SH2D4B: variants seen among roughly 807,000 people sequenced by gnomAD.
SH2D4B encodes SH2 domain containing 4B.
In SH2D4B, 45 loss-of-function variants were observed where a neutral mutation model predicts 61.5. That is an observed-to-expected ratio of 0.73 (90% confidence interval 0.58 to 0.94). The LOEUF (loss-of-function observed/expected upper bound fraction) is 0.94. Ranked by LOEUF, SH2D4B falls within the 40% of genes least tolerant of loss-of-function variation. The probability of loss-of-function intolerance (pLI) is 0.00; values close to 1 mark genes in which losing one functional copy is unlikely to be tolerated. For missense variants in SH2D4B, 572 were observed against 574.2 expected, an observed-to-expected ratio of 1.00 and a Z score of 0.04; for synonymous variants, 224 against 220.4, an observed-to-expected ratio of 1.02 and a Z score of -0.14.
chr10:80,548,768 C>T (rs1841715964), intron 1 of SH2D4B, among the ~76,000 whole-genome samples: 1 of 152,190 alleles, frequency 6.6e-6, no homozygotes, highest in African/African-American at 2.4e-5. Flanking sequence ...CTGAGTGCTC[C>T]ATTGCTAGCC....
chr10:80,545,601 T>C (rs1014768962), intron 1 of SH2D4B, among the ~76,000 whole-genome samples: 3 of 148,876 alleles, frequency 2.0e-5, no homozygotes, highest in African/African-American at 7.8e-5. Flanking sequence ...ACGGTCCATC[T>C]CTTCCATTAG....
rs750498313 is a variant in SH2D4B, at chr10:80,644,041, G to A, written c.1258G>A (p.Gly420Arg). ...AGGAGAGTTACTTCAGGAACCCTGC[G>A]GACAGAGGGACAGCCCACCAGACTA... ...SGGELLQEPC[G>R]QRDSPPDYHL... Residue 420 changes from glycine (G) to arginine (R), a missense_variant, in exon 8 of 8, where the codon GGA becomes AGA. Transcript: ENST00000646907. The A allele has an allele frequency of 1.2e-5, 20 of 1,613,620 alleles. No homozygotes were observed. Among genetic ancestry groups the A allele is most frequent in the South Asian group, 8.8e-5 (8 of 91,060 alleles).
At position 80,644,154 on chromosome 10, in the gene SH2D4B, T is replaced by A; in HGVS notation, c.*69T>A. The A allele has an allele frequency of 8.0e-7, 1 of 1,243,904 alleles. No homozygotes were observed. The highest frequency in any genetic ancestry group is 1.2e-6 in the Non-Finnish European group (1 of 855,554). The allele number at this position is 1,243,904 out of a possible 1,614,324, so 77.1% of individuals were successfully genotyped here. On this transcript the variant is annotated 3_prime_UTR_variant, in exon 8 of 8. Coordinates refer to ENST00000646907, the MANE Select transcript of SH2D4B (RefSeq NM_001388272.1). ...GAACTCAGCTTAAGAACTTCTCATC[T>A]CAAATCCTATGGCCTTCTGGAAGAT...
At chr10:80,642,735 C>T (rs544342656) in intron 7 of SH2D4B, among the ~76,000 whole-genome samples, 1 of 152,252 alleles carries the variant, frequency 6.6e-6, no homozygotes, top group African/African-American at 2.4e-5. Context: ...TAGAGACTTC[C>T]CTGTGTGTCA....
chr10:80,632,620 C>T (rs576999400), intron 6 of SH2D4B, among the ~76,000 whole-genome samples: 7 of 152,066 alleles, frequency 4.6e-5, no homozygotes, highest in Non-Finnish European at 7.4e-5. Context: ...CGTCTGGCCC[C>T]CCTTACTTAT....
At chr10:80,624,523 G>A (rs1842750720) in intron 6 of SH2D4B, among the ~76,000 whole-genome samples, 1 of 152,246 alleles carries the variant, frequency 6.6e-6, no homozygotes, top group Non-Finnish European at 1.5e-5. Flanking sequence ...GAATGTGAGA[G>A]TCACTTTTTA....
intron 4 of SH2D4B, among the ~76,000 whole-genome samples, chr10:80,593,128 T>C (rs1842350718): frequency 6.6e-6 from 1 of 152,220 alleles, no homozygotes; most frequent in African/African-American, 2.4e-5. Context: ...AATTGGGCAG[T>C]ATGAGACCTC....
intron 1 of SH2D4B, among the ~76,000 whole-genome samples, chr10:80,552,554 G>A (rs1481375428): frequency 5.3e-5 from 8 of 152,136 alleles, no homozygotes; most frequent in East Asian, 3.9e-4. Flanking sequence ...GGGGCAGCTC[G>A]TGAGAAAGGC....
intron 7 of SH2D4B, among the ~76,000 whole-genome samples, chr10:80,636,365 A>G (rs908391281): frequency 1.3e-5 from 2 of 152,236 alleles, no homozygotes; most frequent in Admixed American, 1.3e-4. Context: ...TCCCTGAGGA[A>G]TCGCCACACT....
intron 5 of SH2D4B, among the ~76,000 whole-genome samples, chr10:80,605,666 G>A (rs1043371820): frequency 3.3e-5 from 5 of 152,014 alleles, no homozygotes; most frequent in Admixed American, 6.6e-5. Context: ...TTATGGGTGC[G>A]TGCCATCACA....
intron 1 of SH2D4B, among the ~76,000 whole-genome samples, chr10:80,546,313 G>A (rs897336129): frequency 6.6e-6 from 1 of 152,024 alleles, no homozygotes; most frequent in African/African-American, 2.4e-5. Flanking sequence ...CTCCTAAAGT[G>A]CTGGGATTAT....
chr10:80,561,397 T>A (rs986533560), intron 1 of SH2D4B, among the ~76,000 whole-genome samples: 1 of 152,188 alleles, frequency 6.6e-6, no homozygotes, highest in African/African-American at 2.4e-5. Context: ...TTTCAGATGT[T>A]GCAAAATAAA....
chr10:80,541,348 T>A (rs147594609), intron 1 of SH2D4B, among the ~76,000 whole-genome samples: 19 of 152,210 alleles, frequency 1.2e-4, no homozygotes, highest in African/African-American at 4.3e-4. Context: ...TAGCTGTTGT[T>A]TGGGTTTTTC....
chr10:80,547,926 G>A (rs1377646006), intron 1 of SH2D4B, among the ~76,000 whole-genome samples: 1 of 152,148 alleles, frequency 6.6e-6, no homozygotes, highest in East Asian at 1.9e-4. Context: ...AGCTTCTGAA[G>A]GGGAGCCCCA....
intron 1 of SH2D4B, among the ~76,000 whole-genome samples, chr10:80,567,351 C>A (rs1841983178): frequency 6.6e-6 from 1 of 152,180 alleles, no homozygotes; most frequent in South Asian, 2.1e-4. Context: ...ATTGCATTGT[C>A]ACTGTCCTAA....
intron 3 of SH2D4B, among the ~76,000 whole-genome samples, chr10:80,577,994 AGG>A (rs1364975595): frequency 1.3e-5 from 2 of 150,574 alleles, no homozygotes; most frequent in Non-Finnish European, 3.0e-5. Flanking sequence ...TTTTCGAGAC[AGG>A]GTCCGGCTCT....
chr10:80,551,258 G>T (rs1275496594), intron 1 of SH2D4B, among the ~76,000 whole-genome samples: 1 of 152,102 alleles, frequency 6.6e-6, no homozygotes, highest in Non-Finnish European at 1.5e-5. Flanking sequence ...GTTTCACCAT[G>T]TTAGCCAGGA....
chr10:80,624,083 T>C (rs376590692), intron 6 of SH2D4B, among the ~76,000 whole-genome samples: 3 of 152,128 alleles, frequency 2.0e-5, no homozygotes, highest in East Asian at 1.9e-4. Context: ...ACCTGTGCGC[T>C]CCAAATCCCA....
intron 1 of SH2D4B, among the ~76,000 whole-genome samples, chr10:80,552,989 C>T (rs1841782915): frequency 6.6e-6 from 1 of 152,126 alleles, no homozygotes; most frequent in South Asian, 2.1e-4. Context: ...GATCTTGGCT[C>T]ACTGCAACCT....
Sources: allele counts gnomAD v4.1 joint callset (sites outside exome capture counted in the v4.1 genomes callset), GRCh38; gene constraint gnomAD v4.1.1; transcripts MANE v1.5; gene names NCBI Gene and HGNC (gene_info 2026-07-23, HGNC 2026-07-21).